CD28: variants seen among roughly 807,000 people sequenced by gnomAD.
CD28 encodes CD28 molecule.
A neutral mutation model predicts 21.4 loss-of-function variants in CD28; 8 were observed. The ratio of observed to expected loss-of-function variants is 0.37; its 90% confidence interval spans 0.22 to 0.68. The LOEUF (loss-of-function observed/expected upper bound fraction) is 0.68, where lower values mean the gene tolerates loss of function less well. Ranked by LOEUF, CD28 falls within the 30% of genes least tolerant of loss-of-function variation. The pLI, the probability that CD28 is intolerant of heterozygous loss-of-function variation, is 0.55. For missense variants in CD28, 239 were observed against 272.2 expected (o/e 0.88, Z 0.86); for synonymous variants, 106 against 104.0 (o/e 1.02, Z -0.12).
At chr2:203,710,414 C>A (rs1163189565) in intron 1 of CD28, among the ~76,000 whole-genome samples, 2 of 152,152 alleles carry the variant, frequency 1.3e-5, no homozygotes, top group African/African-American at 4.8e-5. Flanking sequence ...GAGTCATTGC[C>A]ACAGATAGAT....
intron 1 of CD28, 109 bp from the exon 2 acceptor site, chr2:203,726,524 A>C: frequency 1.3e-6 from 1 of 758,688 alleles, no homozygotes; most frequent in Non-Finnish European, 2.2e-6. Flanking sequence ...TGCCAAGAGA[A>C]AACCTTTGCT....
intron 1 of CD28, among the ~76,000 whole-genome samples, chr2:203,707,052 C>T (rs1341672228): frequency 2.6e-5 from 4 of 151,990 alleles, no homozygotes; most frequent in Admixed American, 2.0e-4. Context: ...CTATGTTGCC[C>T]AGGCTGGTCT....
At chr2:203,733,607 G>A (rs1169865106) in intron 3 of CD28, among the ~76,000 whole-genome samples, 2 of 152,146 alleles carry the variant, frequency 1.3e-5, no homozygotes, top group Admixed American at 1.3e-4. Context: ...CAAGCAGTGA[G>A]AAATTCTAAC....
intron 2 of CD28, among the ~76,000 whole-genome samples, chr2:203,729,151 T>C (rs1693825854): frequency 1.3e-5 from 2 of 152,226 alleles, no homozygotes; most frequent in Non-Finnish European, 2.9e-5. Flanking sequence ...AAGTGATTTG[T>C]TTGTCATTAT....
At chr2:203,713,888 A>AGTGT (rs140297564) in intron 1 of CD28, among the ~76,000 whole-genome samples, 67 of 145,346 alleles carry the variant, frequency 4.6e-4, no homozygotes, top group Middle Eastern at 3.5e-3. Context: ...AGAGAGAGAG[A>AGTGT]GTGTGTGTGT....
At chr2:203,728,814 C>T (rs1418220825) in intron 2 of CD28, among the ~76,000 whole-genome samples, 1 of 152,042 alleles carries the variant, frequency 6.6e-6, no homozygotes, top group Non-Finnish European at 1.5e-5. Context: ...ATACACATAT[C>T]ATTTATGTTA....
At chr2:203,722,216 T>C (rs1693622115) in intron 1 of CD28, among the ~76,000 whole-genome samples, 1 of 152,122 alleles carries the variant, frequency 6.6e-6, no homozygotes, top group Non-Finnish European at 1.5e-5. Context: ...CTGCACTCAC[T>C]CTCTGAAAAG....
At chr2:203,732,437 CATT>C in intron 3 of CD28, among the ~76,000 whole-genome samples, 1 of 152,292 alleles carries the variant, frequency 6.6e-6, no homozygotes, top group East Asian at 1.9e-4. Flanking sequence ...TTTTAAAAAA[CATT>C]ATGTTCCCCA....
chr2:203,732,438 A>G (rs550542328), intron 3 of CD28, among the ~76,000 whole-genome samples: 2 of 152,214 alleles, frequency 1.3e-5, no homozygotes, highest in South Asian at 2.1e-4. Flanking sequence ...TTTAAAAAAC[A>G]TTATGTTCCC....
At chr2:203,721,408 T>A (rs1050922349) in intron 1 of CD28, among the ~76,000 whole-genome samples, 1 of 152,132 alleles carries the variant, frequency 6.6e-6, no homozygotes, top group African/African-American at 2.4e-5. Context: ...TTGTAACTCA[T>A]GGCCCAGCAA....
At chr2:203,711,197 G>A (rs1415812525) in intron 1 of CD28, among the ~76,000 whole-genome samples, 3 of 152,206 alleles carry the variant, frequency 2.0e-5, no homozygotes. Flanking sequence ...GGTGCCTGAA[G>A]CTGGGGGGAA....
At position 203,738,779 on chromosome 2, in the gene CD28, T is replaced by C. The variant is rs1694114568; in HGVS notation, c.*3867T>C. 1 of 152,182 alleles carries C rather than the reference T, an allele frequency of 6.6e-6. No homozygotes were observed. Among genetic ancestry groups the C allele is most frequent in the African/African-American group, 2.4e-5 (1 of 41,442 alleles). The allele number at this position is 152,182 out of a possible 1,614,324, so 9.4% of individuals were successfully genotyped here. ...TTCTCCATAGCATTTTACCATCTCT[T>C]ACATTAGACATTTTTCTTATTTATT... is the stretch of plus-strand genomic sequence containing the variant. On this transcript the variant is annotated 3_prime_UTR_variant, in exon 4 of 4. Coordinates refer to ENST00000324106, the MANE Select transcript of CD28 (RefSeq NM_006139.4).
At position 203,738,703 on chromosome 2, in the gene CD28, T is replaced by C. The variant is rs1194295709; in HGVS notation, c.*3791T>C. ...TTCAGGTCCTTGCTCAAGTGTCATC[T>C]TCTCCCCTAGTTAAACTACCCCACA... On this transcript the variant is annotated 3_prime_UTR_variant, in exon 4 of 4. Transcript: ENST00000324106. 1 of 152,248 alleles carries C rather than the reference T, an allele frequency of 6.6e-6. No individual in the cohort carries two copies. The highest frequency in any genetic ancestry group is 2.4e-5 in the African/African-American group (1 of 41,468). 9.4% of individuals were successfully genotyped at this position (152,248 alleles called of 1,614,324 possible). A position where few individuals can be genotyped will look rare whatever the true frequency, so the allele number is the denominator to read the frequency against.
chr2:203,709,409 A>G (rs1693253994), intron 1 of CD28, among the ~76,000 whole-genome samples: 1 of 152,240 alleles, frequency 6.6e-6, no homozygotes, highest in African/African-American at 2.4e-5. Context: ...TTAATTTAAT[A>G]ATGTAACTTA....
At chr2:203,732,071 A>G (rs1693909846) in intron 3 of CD28, among the ~76,000 whole-genome samples, 1 of 152,122 alleles carries the variant, frequency 6.6e-6, no homozygotes, top group African/African-American at 2.4e-5. Flanking sequence ...TACCTTGCTG[A>G]GTTGGGCATC....
At chr2:203,722,951 TG>T (rs1693642494) in intron 1 of CD28, among the ~76,000 whole-genome samples, 1 of 152,236 alleles carries the variant, frequency 6.6e-6, no homozygotes, top group Non-Finnish European at 1.5e-5. Context: ...GTTAGGCCAC[TG>T]GTTCTCAAAT....
chr2:203,715,796 C>T (rs781164123), intron 1 of CD28, among the ~76,000 whole-genome samples: 2 of 152,148 alleles, frequency 1.3e-5, no homozygotes, highest in African/African-American at 2.4e-5. Flanking sequence ...TTACCCAGTG[C>T]GTGAACTCTG....
chr2:203,738,052 T>C lies in CD28; in HGVS notation c.*3140T>C, dbSNP rs561027022. 6.6e-6 allele frequency: 1 copy of C among 152,250 alleles called. No individual in the cohort carries two copies. Among genetic ancestry groups the C allele is most frequent in the African/African-American group, 2.4e-5 (1 of 41,558 alleles). 9.4% of individuals were successfully genotyped at this position (152,250 alleles called of 1,614,324 possible). A position where few individuals can be genotyped will look rare whatever the true frequency, so the allele number is the denominator to read the frequency against. On this transcript the variant is annotated 3_prime_UTR_variant, in exon 4 of 4. Coordinates refer to ENST00000324106, the MANE Select transcript of CD28 (RefSeq NM_006139.4). The stretch of plus-strand genomic sequence containing the variant: ...CACTTCAAGCAGGGTACGTTTCTGG[T>C]TTGTTTGCTTGACTTCAGTCACAAT...
chr2:203,716,268 T>C (rs1251324076), intron 1 of CD28, among the ~76,000 whole-genome samples: 1 of 152,162 alleles, frequency 6.6e-6, no homozygotes, highest in Non-Finnish European at 1.5e-5. Flanking sequence ...CCCAGCTAAA[T>C]GTGAAGTCTC....
Sources: allele counts gnomAD v4.1 joint callset (sites outside exome capture counted in the v4.1 genomes callset), GRCh38; gene constraint gnomAD v4.1.1; transcripts MANE v1.5; gene names NCBI Gene and HGNC (gene_info 2026-07-23, HGNC 2026-07-21).